LAMA4: variants seen among roughly 807,000 people sequenced by gnomAD.
LAMA4 encodes the protein laminin subunit alpha 4, also known as laminin subunit alpha-4.
A neutral mutation model predicts 207.1 loss-of-function variants in LAMA4; 127 were observed. The ratio of observed to expected loss-of-function variants is 0.61; its 90% confidence interval spans 0.53 to 0.71. The LOEUF is 0.71. Ranked by LOEUF, LAMA4 falls within the 30% of genes least tolerant of loss-of-function variation. LAMA4 has a pLI of 0.00. For missense variants in LAMA4, 2,093 were observed against 2,246.5 expected (o/e 0.93, Z 1.38); for synonymous variants, 761 against 816.0 (o/e 0.93, Z 1.15).
chr6:112,227,349 G>A (rs1477699449), intron 2 of LAMA4, among the ~76,000 whole-genome samples: 4 of 152,172 alleles, frequency 2.6e-5, no homozygotes, highest in East Asian at 1.9e-4. Flanking sequence ...GATTACAGGG[G>A]TGAACCACCG....
At chr6:112,199,606 T>G (rs1429489216) in intron 5 of LAMA4, among the ~76,000 whole-genome samples, 1 of 152,140 alleles carries the variant, frequency 6.6e-6, no homozygotes, top group Non-Finnish European at 1.5e-5. Flanking sequence ...ATGAAATTCA[T>G]GTGGACCCTA....
At chr6:112,253,727 A>G in intron 2 of LAMA4, 1 of 1,610,744 alleles carries the variant, frequency 6.2e-7, no homozygotes, top group Non-Finnish European at 8.5e-7. Flanking sequence ...ATGCACTCTC[A>G]CCCCTTTGAG....
intron 2 of LAMA4, chr6:112,218,062 C>T (rs1784728013): frequency 6.6e-6 from 1 of 152,170 alleles, no homozygotes; most frequent in African/African-American, 2.4e-5. Flanking sequence ...CCTAAAACTT[C>T]TCTATTGTAT....
chr6:112,195,789 C>T (rs1173224860), intron 5 of LAMA4, among the ~76,000 whole-genome samples: 2 of 152,132 alleles, frequency 1.3e-5, no homozygotes, highest in African/African-American at 4.8e-5. Flanking sequence ...AATACTGAAA[C>T]ATTGAGATCA....
At chr6:112,184,296 T>C (rs981455338) in intron 9 of LAMA4, among the ~76,000 whole-genome samples, 6 of 151,106 alleles carry the variant, frequency 4.0e-5, no homozygotes, top group Non-Finnish European at 8.8e-5. Context: ...TCTGAAGTAC[T>C]CTGGCCAGTA....
intron 19 of LAMA4, 55 bp from the exon 20 acceptor site, chr6:112,142,347 T>C (rs1779749878): frequency 6.5e-7 from 1 of 1,528,854 alleles, no homozygotes; most frequent in Non-Finnish European, 9.1e-7. Flanking sequence ...GGCAGAGTGC[T>C]TTCCCGTGCT....
rs377499201 is a variant in LAMA4 at position 112,155,681 on chromosome 6, C to T, written c.1843G>A (p.Gly615Arg). The T allele has an allele frequency of 4.6e-5, 75 of 1,613,924 alleles. No homozygotes were observed. Among genetic ancestry groups the T allele is most frequent in the Non-Finnish European group, 5.6e-5 (66 of 1,179,926 alleles). Residue 615 changes from glycine (G) to arginine (R), a missense_variant, in exon 15 of 39, where the codon GGG becomes AGG. Coordinates refer to ENST00000230538, the MANE Select transcript of LAMA4 (RefSeq NM_001105206.3). Reference protein sequence around the residue: ...SRKLHSSDMNGLVQKALDASN... With the variant: ...SRKLHSSDMNRLVQKALDASN... ...GCATCCAAAGCCTTCTGTACCAGCCCGTTCATATCTGAACTGTGCAACTTC... is the reference window on the plus strand; with the variant it reads ...GCATCCAAAGCCTTCTGTACCAGCCTGTTCATATCTGAACTGTGCAACTTC...
chr6:112,216,330 A>G (rs782792924), intron 3 of LAMA4, 38 bp downstream of exon 3: 5 of 1,295,452 alleles, frequency 3.9e-6, no homozygotes, highest in Non-Finnish European at 5.6e-6. Context: ...GCAAATGCCC[A>G]GTGAAGTACG....
intron 14 of LAMA4, chr6:112,158,146 G>A (rs1212841153): frequency 1.3e-5 from 2 of 157,606 alleles, no homozygotes; most frequent in East Asian, 1.9e-4. Context: ...TCCAAGAGGT[G>A]TGTGATTCTA....
At chr6:112,133,558 ATT>A in intron 26 of LAMA4, 71 bp from the exon 27 acceptor site, 1 of 1,552,220 alleles carries the variant, frequency 6.4e-7, no homozygotes, top group African/African-American at 1.4e-5. Flanking sequence ...AGGCTATGGA[ATT>A]TGCATTTATT....
chr6:112,148,216 T>C lies in LAMA4; in HGVS notation c.2294A>G (p.Asn765Ser), dbSNP rs1554334969. 6.2e-7 allele frequency: 1 copy of C among 1,614,220 alleles called. No individual in the cohort carries two copies. ...AGCAGAAGAGTCAAAATGTTGAAGATTCTGTGACCAGTTGGTTAGATTGTT... is the reference window on the plus strand; with the variant it reads ...AGCAGAAGAGTCAAAATGTTGAAGACTCTGTGACCAGTTGGTTAGATTGTT... ...MANNLTNWSQ[N>S]LQHFDSSAYN... The change falls in exon 18 of 39, where the codon AAT (asparagine) becomes AGT (serine). Residue 765 changes from asparagine to serine, a missense_variant. Physicochemically the swap from Asn to Ser is conservative, Grantham distance 46 (BLOSUM62 1). This residue lies in a region of LAMA4 where 1,704 missense variants were observed against 1,788.4 expected (regional missense o/e 0.95). Coordinates refer to ENST00000230538, the MANE Select transcript of LAMA4 (RefSeq NM_001105206.3).
At chr6:112,207,566 A>G (rs562665547) in intron 3 of LAMA4, among the ~76,000 whole-genome samples, 1 of 142,636 alleles carries the variant, frequency 7.0e-6, no homozygotes, top group East Asian at 1.9e-4. Flanking sequence ...CCTGGTACTT[A>G]TCCATGGCAA....
In LAMA4 at chr6:112,114,085, C is replaced by T; in HGVS notation, c.5317G>A (p.Gly1773Ser). 6.2e-7 allele frequency: 1 copy of T among 1,613,894 alleles called. No individual in the cohort carries two copies. The change falls in exon 38 of 39, where the codon GGT becomes AGT. Residue 1773 changes from glycine (G) to serine (S), a missense_variant. Physicochemically the swap from Gly to Ser is moderately conservative, Grantham distance 56. Around this residue, in one of 3 missense-constraint regions of LAMA4, gnomAD observed 383 missense variants for 437.8 expected, o/e 0.87. Transcript: ENST00000230538. ...TTTAAACAACACTTACCTGGAACAC[C>T]TCCAACAAACACAGGCTCCCTGTGA... ...IDHREPVFVG[G>S]VPESLLTPRL...
chr6:112,241,140 T>TATATATATATATATGAATATATATATTC (rs1554187579), intron 2 of LAMA4, among the ~76,000 whole-genome samples: 14 of 68,410 alleles, frequency 2.0e-4, no homozygotes, highest in African/African-American at 6.8e-4. Flanking sequence ...TATATAGGAA[T>TATATATATATATATGAATATATATATTC]ATATATATGA....
At chr6:112,132,350 CAATTGTAATGTGAAACAAA>C in intron 28 of LAMA4, among the ~76,000 whole-genome samples, 1 of 152,134 alleles carries the variant, frequency 6.6e-6, no homozygotes, top group Admixed American at 6.5e-5. Context: ...ATTTCTGTGA[CAATTGTAATGTGAAACAAA>C]AAAATCTGTG....
intron 9 of LAMA4, among the ~76,000 whole-genome samples, chr6:112,183,724 G>A (rs1309559152): frequency 2.0e-5 from 3 of 152,052 alleles, no homozygotes; most frequent in African/African-American, 7.2e-5. Context: ...GCTGAGGTGA[G>A]CTGATCACCT....
At chr6:112,179,895 T>C (rs782006395) in intron 9 of LAMA4, 1 of 532,680 alleles carries the variant, frequency 1.9e-6, no homozygotes. Flanking sequence ...CACTGTCTTC[T>C]GAGTCATTAT....
At chr6:112,195,366 G>C (rs1034225439) in intron 5 of LAMA4, among the ~76,000 whole-genome samples, 2 of 152,206 alleles carry the variant, frequency 1.3e-5, no homozygotes, top group African/African-American at 2.4e-5. Flanking sequence ...TTCAGGAGTT[G>C]AGCAAGCTAG....
intron 2 of LAMA4, chr6:112,218,752 T>C (rs1455643092): frequency 6.6e-6 from 1 of 152,202 alleles, no homozygotes; most frequent in Non-Finnish European, 1.5e-5. Flanking sequence ...TTGGCTCTGA[T>C]CTCTTATAAT....
Sources: gnomAD v4.1 joint callset for allele counts (sites outside exome capture counted in the v4.1 genomes callset) on GRCh38, gnomAD v4.1.1 for gene constraint, gnomAD v4.1.1 regional missense constraint, MANE v1.5 for transcripts, NCBI Gene and HGNC (gene_info 2026-07-23, HGNC 2026-07-21) for gene names.